The following DLG2 variants were observed in gnomAD, a reference collection of about 807,000 sequenced individuals.
DLG2 encodes disks large homolog 2.
A neutral mutation model predicts 132.5 loss-of-function variants in DLG2; 45 were observed. That is an observed-to-expected ratio of 0.34 (90% CI 0.27 to 0.44). The LOEUF (loss-of-function observed/expected upper bound fraction) is 0.44. Ranked by LOEUF, DLG2 falls within the 20% of genes least tolerant of loss-of-function variation. The probability of loss-of-function intolerance (pLI) is 1.00; values close to 1 mark genes in which losing one functional copy is unlikely to be tolerated. For missense variants in DLG2, 1,045 were observed against 1,196.9 expected (o/e 0.87, Z 1.87); for synonymous variants, 424 against 419.6 (o/e 1.01, Z -0.13).
intron 3 of DLG2, among the ~76,000 whole-genome samples, chr11:85,299,283 T>G (rs1376138296): frequency 6.6e-6 from 1 of 152,190 alleles, no homozygotes; most frequent in Non-Finnish European, 1.5e-5. Context: ...GGATAGGAAC[T>G]AGGTATGTCT....
chr11:85,114,809 C>A (rs1179927393), intron 5 of DLG2, among the ~76,000 whole-genome samples: 1 of 151,902 alleles, frequency 6.6e-6, no homozygotes, highest in Non-Finnish European at 1.5e-5. Flanking sequence ...TCAAACAACC[C>A]CATCCCTCCA....
intron 18 of DLG2, among the ~76,000 whole-genome samples, chr11:83,763,714 A>T (rs983930636): frequency 3.9e-5 from 6 of 152,192 alleles, no homozygotes; most frequent in African/African-American, 1.2e-4. Flanking sequence ...TTTAAAATGG[A>T]ATATAACATA....
intron 3 of DLG2, among the ~76,000 whole-genome samples, chr11:85,458,650 G>A (rs1225937237): frequency 1.3e-5 from 2 of 152,142 alleles, no homozygotes; most frequent in African/African-American, 4.8e-5. Flanking sequence ...GGTCTTATTT[G>A]TAGTTGAATT....
At chr11:85,426,145 C>T (rs542973338) in intron 3 of DLG2, among the ~76,000 whole-genome samples, 2 of 152,314 alleles carry the variant, frequency 1.3e-5, no homozygotes, top group South Asian at 2.1e-4. Flanking sequence ...CAGGGAAGCT[C>T]GAACTGGGTA....
intron 4 of DLG2, among the ~76,000 whole-genome samples, chr11:85,196,118 G>C (rs1344359978): frequency 6.6e-6 from 1 of 152,092 alleles, no homozygotes; most frequent in Non-Finnish European, 1.5e-5. Flanking sequence ...GGGAAACAAA[G>C]CACTTTTGAC....
At chr11:84,343,293 T>G (rs11233989) in intron 7 of DLG2, among the ~76,000 whole-genome samples, 102 of 152,212 alleles carry the variant, frequency 6.7e-4, no homozygotes, top group Non-Finnish European at 8.8e-5. Context: ...AGCTTAATTA[T>G]TTATGATTGC....
chr11:84,394,980 G>T (rs2098806346), intron 7 of DLG2, among the ~76,000 whole-genome samples: 1 of 152,146 alleles, frequency 6.6e-6, no homozygotes, highest in Non-Finnish European at 1.5e-5. Context: ...TGTAATGCCT[G>T]TTGGATACTC....
chr11:83,471,767 G>A, intron 23 of DLG2, 40 bp from the exon 24 acceptor site: 1 of 1,559,414 alleles, frequency 6.4e-7, no homozygotes. Flanking sequence ...AAGAGAAAGA[G>A]TTGGAAACAA....
chr11:85,344,956 C>T (rs1399915182), intron 3 of DLG2, among the ~76,000 whole-genome samples: 4 of 150,404 alleles, frequency 2.7e-5, no homozygotes, highest in Non-Finnish European at 4.4e-5. Flanking sequence ...AAATCAAATA[C>T]ATAATTTTAA....
chr11:85,391,695 C>T (rs1370163376), intron 3 of DLG2, among the ~76,000 whole-genome samples: 3 of 152,078 alleles, frequency 2.0e-5, no homozygotes, highest in Non-Finnish European at 4.4e-5. Flanking sequence ...ATCAGATGAT[C>T]ATCTTAACAG....
chr11:85,067,765 A>C (rs1029866615), intron 6 of DLG2, among the ~76,000 whole-genome samples: 6 of 152,094 alleles, frequency 3.9e-5, no homozygotes, highest in Non-Finnish European at 8.8e-5. Context: ...TATTCCAATC[A>C]ATAGAAAAAG....
chr11:85,426,624 T>A (rs1442874323), intron 3 of DLG2, among the ~76,000 whole-genome samples: 2 of 152,010 alleles, frequency 1.3e-5, no homozygotes, highest in Non-Finnish European at 2.9e-5. Context: ...AAACCCCATC[T>A]GTACGTTACC....
intron 11 of DLG2, among the ~76,000 whole-genome samples, chr11:83,988,191 C>T (rs1349317518): frequency 2.6e-5 from 4 of 151,840 alleles, no homozygotes; most frequent in Admixed American, 6.6e-5. Context: ...TTGGCATTTT[C>T]GTTAAGAATT....
chr11:85,179,672 A>G (rs566175652), intron 4 of DLG2, among the ~76,000 whole-genome samples: 1 of 151,980 alleles, frequency 6.6e-6, no homozygotes, highest in African/African-American at 2.4e-5. Flanking sequence ...TGGGTGAAGG[A>G]GAAAGGAAAA....
intron 5 of DLG2, among the ~76,000 whole-genome samples, chr11:85,118,611 G>C (rs2073944656): frequency 6.6e-6 from 1 of 151,990 alleles, no homozygotes; most frequent in Non-Finnish European, 1.5e-5. Context: ...GCATTTCCTA[G>C]ATGTATGATG....
chr11:83,874,101 T>A (rs2064041467), intron 16 of DLG2, among the ~76,000 whole-genome samples: 2 of 148,476 alleles, frequency 1.3e-5, no homozygotes, highest in African/African-American at 2.5e-5. Context: ...AGAGAGAGAG[T>A]GTGTGCGTGT....
chr11:85,059,623 A>C (rs2063821299), intron 6 of DLG2, among the ~76,000 whole-genome samples: 1 of 151,278 alleles, frequency 6.6e-6, no homozygotes, highest in South Asian at 2.1e-4. Flanking sequence ...CAACAACATA[A>C]ATGAATCTTA....
At chr11:84,893,570 G>C (rs1321963962) in intron 6 of DLG2, among the ~76,000 whole-genome samples, 1 of 152,132 alleles carries the variant, frequency 6.6e-6, no homozygotes, top group Non-Finnish European at 1.5e-5. Context: ...GAGTCTGAAA[G>C]TTTACTCAGT....
rs186094458 is a variant in DLG2, at chr11:84,287,457, C to T, written c.520-36166G>A. Reference sequence around the variant, plus strand: ...CTTAGGAATACTCTTCTTTTCTTTTCAAACCATAGAATTTTCACAGACTCA... The same window carrying T: ...CTTAGGAATACTCTTCTTTTCTTTTTAAACCATAGAATTTTCACAGACTCA... On this transcript the variant is annotated intron_variant, in intron 7 of 27. Coordinates refer to ENST00000376104, the MANE Select transcript of DLG2 (RefSeq NM_001142699.3). 4.6e-4 allele frequency among the ~76,000 whole-genome samples: 70 copies of T among 152,190 alleles called. 1 individual carries two copies. Among genetic ancestry groups the T allele is most frequent in the Admixed American group, 3.9e-3 (60 of 15,272 alleles).
Sources: allele counts gnomAD v4.1 joint callset (sites outside exome capture counted in the v4.1 genomes callset), GRCh38; gene constraint gnomAD v4.1.1; transcripts MANE v1.5; gene names NCBI Gene and HGNC (gene_info 2026-07-23, HGNC 2026-07-21).